Variants in DOCK3 observed in about 807,000 individuals in gnomAD.
DOCK3 encodes dedicator of cytokinesis 3.
Under a neutral mutation model 265.6 loss-of-function variants are expected in DOCK3, and 60 were observed. The observed-to-expected ratio is 0.23, with a 90% confidence interval of 0.18 to 0.28. The LOEUF (loss-of-function observed/expected upper bound fraction) is 0.28. DOCK3 is among the 10% of genes least tolerant of loss of function. The pLI is 1.00. For missense variants in DOCK3, 1,981 were observed against 2,594.3 expected, an observed-to-expected ratio of 0.76 and a Z score of 5.14; for synonymous variants, 881 against 938.0, an observed-to-expected ratio of 0.94 and a Z score of 1.11.
chr3:51,081,747 T>A (rs1176040074), intron 7 of DOCK3, among the ~76,000 whole-genome samples: 1 of 151,734 alleles, frequency 6.6e-6, no homozygotes, highest in Non-Finnish European at 1.5e-5. Flanking sequence ...TACAAAAAAA[T>A]TAGCTGGGCG....
At chr3:51,263,385 C>T (rs911389103) in intron 23 of DOCK3, among the ~76,000 whole-genome samples, 1 of 152,154 alleles carries the variant, frequency 6.6e-6, no homozygotes, top group Non-Finnish European at 1.5e-5. Context: ...GATTTTGTCA[C>T]CACCAGGCCT....
chr3:50,804,281 C>T (rs1247848285), intron 2 of DOCK3, among the ~76,000 whole-genome samples: 1 of 151,956 alleles, frequency 6.6e-6, no homozygotes, highest in African/African-American at 2.4e-5. Flanking sequence ...AGGGGCTCCT[C>T]ACATCCCAGA....
intron 2 of DOCK3, chr3:50,787,100 T>C (rs866859326): frequency 1.4e-6 from 1 of 719,670 alleles, no homozygotes; most frequent in Non-Finnish European, 2.6e-6. Flanking sequence ...TCTTGAACGA[T>C]TTATTACAGG....
rs959634643 is a variant in DOCK3, at chr3:51,119,817, C to A, written c.747-26732C>A. On this transcript the variant is annotated intron_variant, in intron 9 of 52. Coordinates refer to ENST00000266037, the MANE Select transcript of DOCK3 (RefSeq NM_004947.5). Reference sequence around the variant, plus strand: ...GCTGTGTTTTTCTGCTGCATCAGGTCATTTCTGTTCTTCTCTAAACTGGTT... The same window carrying A: ...GCTGTGTTTTTCTGCTGCATCAGGTAATTTCTGTTCTTCTCTAAACTGGTT... Among the ~76,000 whole-genome samples the A allele has an allele frequency of 4.6e-5, 7 of 151,850 alleles. No homozygotes were observed. In the South Asian group the frequency reaches 1.5e-3, roughly 32 times the overall value.
chr3:51,093,494 G>A (rs1370060966), intron 9 of DOCK3, among the ~76,000 whole-genome samples: 1 of 152,100 alleles, frequency 6.6e-6, no homozygotes, highest in Non-Finnish European at 1.5e-5. Context: ...TCTATTATTG[G>A]TGTATAGGAA....
chr3:51,214,655 A>AT (rs1444549776), intron 14 of DOCK3, among the ~76,000 whole-genome samples: 41 of 152,240 alleles, frequency 2.7e-4, no homozygotes, highest in Admixed American at 2.7e-3. Flanking sequence ...TGCCTGTAGT[A>AT]TCAGTGAATC....
intron 1 of DOCK3, among the ~76,000 whole-genome samples, chr3:50,725,708 T>C (rs2037779582): frequency 6.6e-6 from 1 of 152,220 alleles, no homozygotes; most frequent in Non-Finnish European, 1.5e-5. Context: ...TATGGTTTGC[T>C]GGTGCCAGAG....
In DOCK3 at chr3:50,751,070, T is replaced by C. The variant is rs562534605; in HGVS notation, c.38-27605T>C. On this transcript the variant is annotated intron_variant, in intron 1 of 52. Transcript: ENST00000266037. ...GCTTCAAATGCAAACAATTTTGATA[T>C]TGTCTTTTAACCAAGAAATAAGAAA... is the stretch of plus-strand genomic sequence containing the variant. 2.8e-4 allele frequency among the ~76,000 whole-genome samples: 43 copies of C among 152,346 alleles called. No homozygotes were observed. In the South Asian group the frequency reaches 5.0e-3, roughly 18 times the overall value.
intron 3 of DOCK3, among the ~76,000 whole-genome samples, chr3:50,878,725 T>C (rs1410174201): frequency 5.9e-5 from 9 of 152,002 alleles, no homozygotes; most frequent in Non-Finnish European, 1.2e-4. Flanking sequence ...ACCAGGAGAA[T>C]ATCCCCAAGC....
At chr3:51,089,602 A>G (rs183163695) in intron 8 of DOCK3, among the ~76,000 whole-genome samples, 1 of 152,282 alleles carries the variant, frequency 6.6e-6, no homozygotes, top group East Asian at 1.9e-4. Context: ...CATTTCTTTA[A>G]AATGAGTTTG....
Position 50,721,754 on chromosome 3 carries a change from C to T in DOCK3, c.37+46454C>T, listed in dbSNP as rs373188504. On this transcript the variant is annotated intron_variant, in intron 1 of 52. Transcript: ENST00000266037. ...AAATGTCATTGGTAGTTTGATAGGACTAGCATTGAATCTGTAGATTGCTTT... is the reference window on the plus strand; with the variant it reads ...AAATGTCATTGGTAGTTTGATAGGATTAGCATTGAATCTGTAGATTGCTTT... Among the ~76,000 whole-genome samples the T allele has an allele frequency of 2.2e-4, 34 of 152,216 alleles. No homozygotes were observed. The East Asian group carries it at 5.8e-3, about 26-fold the overall frequency.
At chr3:51,199,247 C>T (rs894971638) in intron 12 of DOCK3, among the ~76,000 whole-genome samples, 11 of 152,186 alleles carry the variant, frequency 7.2e-5, no homozygotes, top group African/African-American at 2.7e-4. Context: ...TTGCATTACT[C>T]GGGAAGCGCA....
At chr3:51,280,261 G>T in intron 27 of DOCK3, 57 bp downstream of exon 27, 1 of 1,524,230 alleles carries the variant, frequency 6.6e-7, no homozygotes, top group Non-Finnish European at 9.0e-7. Flanking sequence ...GCACTCCCCA[G>T]GGGCTTTTTC....
intron 27 of DOCK3, among the ~76,000 whole-genome samples, chr3:51,285,389 C>G (rs1173395545): frequency 1.3e-5 from 2 of 151,604 alleles, no homozygotes; most frequent in Admixed American, 1.3e-4. Flanking sequence ...ACAAGGAATT[C>G]AAAATAATGT....
At chr3:51,051,738 C>T (rs1324563830) in intron 5 of DOCK3, among the ~76,000 whole-genome samples, 1 of 152,074 alleles carries the variant, frequency 6.6e-6, no homozygotes, top group Non-Finnish European at 1.5e-5. Context: ...TTAATTGGCT[C>T]ACGGTTCTGC....
intron 32 of DOCK3, among the ~76,000 whole-genome samples, chr3:51,316,151 C>T (rs1043917126): frequency 2.0e-5 from 3 of 152,182 alleles, no homozygotes; most frequent in South Asian, 2.1e-4. Context: ...GTAGTCAAAC[C>T]CTTCCCCTGT....
At chr3:51,093,485 CTAT>C (rs1473088969) in intron 9 of DOCK3, among the ~76,000 whole-genome samples, 2 of 152,148 alleles carry the variant, frequency 1.3e-5, no homozygotes, top group African/African-American at 2.4e-5. Flanking sequence ...CTCTGCTCAT[CTAT>C]TATTGGTGTA....
intron 3 of DOCK3, among the ~76,000 whole-genome samples, chr3:50,864,165 A>G (rs527665543): frequency 6.6e-6 from 1 of 152,248 alleles, no homozygotes; most frequent in African/African-American, 2.4e-5. Flanking sequence ...GGTAAGATGG[A>G]TATCTCATTG....
At chr3:51,309,224 A>G (rs551319516) in intron 27 of DOCK3, among the ~76,000 whole-genome samples, 2 of 152,326 alleles carry the variant, frequency 1.3e-5, no homozygotes, top group South Asian at 4.1e-4. Flanking sequence ...TTGGGAGGCC[A>G]AGGCAGGCAG....
Sources: gnomAD v4.1 joint callset for allele counts (sites outside exome capture counted in the v4.1 genomes callset) on GRCh38, gnomAD v4.1.1 for gene constraint, MANE v1.5 for transcripts, NCBI Gene and HGNC (gene_info 2026-07-23, HGNC 2026-07-21) for gene names.